Variants in MTHFD1L observed in about 807,000 individuals in gnomAD.
MTHFD1L encodes the protein monofunctional C1-tetrahydrofolate synthase, mitochondrial.
Under a neutral mutation model 119.5 loss-of-function variants are expected in MTHFD1L, and 81 were observed. That is an observed-to-expected ratio of 0.68 (90% CI 0.57 to 0.82). MTHFD1L has a LOEUF of 0.82. Among genes scored for constraint, MTHFD1L ranks in the 40% least tolerant of loss-of-function variants. The pLI is 0.00. For synonymous variants in MTHFD1L, 430 were observed against 475.2 expected (o/e 0.90, Z 1.24); for missense variants, 1,125 against 1,253.4 (o/e 0.90, Z 1.55).
intron 21 of MTHFD1L, among the ~76,000 whole-genome samples, chr6:151,010,305 CAT>C (rs2128482291): frequency 6.6e-6 from 1 of 152,244 alleles, no homozygotes; most frequent in East Asian, 1.9e-4. Flanking sequence ...ATTGTATAAC[CAT>C]ATGGTAATGG....
Position 150,866,010 on chromosome 6 carries a change from C to A in MTHFD1L, c.188C>A (p.Pro63His). 7.2e-7 allele frequency: 1 copy of A among 1,388,060 alleles called. No homozygotes were observed. The highest frequency in any genetic ancestry group is 9.3e-7 in the Non-Finnish European group (1 of 1,076,224). 86.0% of individuals were successfully genotyped at this position (1,388,060 alleles called of 1,614,324 possible). ...GGCCAGGCCCGGAGCAGCTGCAGCCCCGGCGGCCGAACGCCCGCGGCGCGG... is the reference window on the plus strand; with the variant it reads ...GGCCAGGCCCGGAGCAGCTGCAGCCACGGCGGCCGAACGCCCGCGGCGCGG... ...QDGQARSSCS[P>H]GGRTPAARDS... The change falls in exon 1 of 28, where the codon CCC becomes CAC. Residue 63 changes from proline to histidine, a missense_variant. Transcript: ENST00000367321.
In MTHFD1L at chr6:150,970,943, G is replaced by C. The variant is rs471629; in HGVS notation, c.2014-1004G>C. ...TCCGTGGCCCTGAAGAATTCCCTTA[G>C]CCTCTCTGGGCCTTAAATTTCTGGA... On this transcript the variant is annotated intron_variant, in intron 19 of 27. Transcript: ENST00000367321. Among the ~76,000 whole-genome samples, 1,306 of 152,200 alleles carry C rather than the reference G, an allele frequency of 8.6e-3. 10 individuals are homozygous for C. The highest frequency in any genetic ancestry group is 0.016 in the Non-Finnish European group (1,056 of 68,008).
chr6:150,984,967 T>G (rs923840618), intron 20 of MTHFD1L: 2 of 152,202 alleles, frequency 1.3e-5, no homozygotes, highest in Non-Finnish European at 2.9e-5. Context: ...CTCTTTGCCA[T>G]GTGCTGTCTG....
At chr6:151,001,692 C>T (rs567368741) in intron 20 of MTHFD1L, among the ~76,000 whole-genome samples, 1 of 152,190 alleles carries the variant, frequency 6.6e-6, no homozygotes, top group East Asian at 1.9e-4. Context: ...CGGATTGCAG[C>T]GCCAGTGTTC....
In MTHFD1L at chr6:150,885,659, C is replaced by T. The variant is rs762398953; in HGVS notation, c.568C>T (p.Leu190=). Residue 190 remains leucine, a synonymous_variant, in exon 6 of 28, where the codon CTG becomes TTG. Transcript: ENST00000367321. The stretch of plus-strand genomic sequence containing the variant: ...AGTAACAGACATAAACCTGGGGAAG[C>T]TGGTGCGAGGGGATGCCCATGAATG... The part of the protein sequence containing the change: ...DGVTDINLGK[L]VRGDAHECFV... The T allele has an allele frequency of 1.2e-6, 2 of 1,613,982 alleles. No homozygotes were observed. The highest frequency in any genetic ancestry group is 1.7e-5 in the Admixed American group (1 of 59,998).
At chr6:150,989,330 T>C (rs938720714) in intron 20 of MTHFD1L, among the ~76,000 whole-genome samples, 1 of 152,160 alleles carries the variant, frequency 6.6e-6, no homozygotes, top group African/African-American at 2.4e-5. Flanking sequence ...CATTAAATAG[T>C]GTAACCCTGA....
intron 9 of MTHFD1L, among the ~76,000 whole-genome samples, chr6:150,920,530 T>G (rs12189606): frequency 0.092 from 14,034 of 152,198 alleles, 922 homozygotes; most frequent in African/African-American, 0.18. Flanking sequence ...AATTTTATTT[T>G]TATTTATTTT....
chr6:151,088,623 AT>A (rs71014539), intron 26 of MTHFD1L, among the ~76,000 whole-genome samples: 2,423 of 128,592 alleles, frequency 0.019, 44 homozygotes, highest in African/African-American at 0.059. Context: ...CACCCAGCTA[AT>A]TTTTTTTTTT....
At chr6:150,956,874 A>T (rs1795719746) in intron 17 of MTHFD1L, among the ~76,000 whole-genome samples, 1 of 137,060 alleles carries the variant, frequency 7.3e-6, no homozygotes, top group Non-Finnish European at 1.6e-5. Flanking sequence ...AAGAAGAGAA[A>T]CTTAAGTTCG....
intron 19 of MTHFD1L, among the ~76,000 whole-genome samples, chr6:150,970,612 GC>G (rs1360179642): frequency 6.6e-6 from 1 of 152,136 alleles, no homozygotes; most frequent in Non-Finnish European, 1.5e-5. Context: ...GTTTGAAAGG[GC>G]CATTATGGAG....
At position 150,956,076 on chromosome 6, in the gene MTHFD1L, G is replaced by C; in HGVS notation, c.1803+5G>C. On this transcript the variant is annotated splice_donor_5th_base_variant and intron_variant, in intron 17 of 27. Coordinates refer to ENST00000367321, the MANE Select transcript of MTHFD1L (RefSeq NM_015440.5). ...GAGAAGGGCCATTACCGGCAGGTAG[G>C]TGGTGCTTTCTTCCCGGGTGTGGCT... 6.2e-7 allele frequency: 1 copy of C among 1,613,108 alleles called. No individual in the cohort carries two copies. Among genetic ancestry groups the C allele is most frequent in the South Asian group, 1.1e-5 (1 of 91,070 alleles).
At chr6:151,093,729 A>G (rs1794656484) in intron 27 of MTHFD1L, among the ~76,000 whole-genome samples, 1 of 148,558 alleles carries the variant, frequency 6.7e-6, no homozygotes, top group South Asian at 2.1e-4. Flanking sequence ...ACACAGTTCA[A>G]CCCAGAACAC....
At chr6:150,871,680 T>C (rs535020557) in intron 1 of MTHFD1L, among the ~76,000 whole-genome samples, 1 of 151,160 alleles carries the variant, frequency 6.6e-6, no homozygotes, top group Admixed American at 6.6e-5. Context: ...TTTTTTGTAT[T>C]TTTAGTAGAA....
At chr6:151,053,828 C>T (rs988447338) in intron 26 of MTHFD1L, among the ~76,000 whole-genome samples, 1 of 150,516 alleles carries the variant, frequency 6.6e-6, no homozygotes, top group Admixed American at 6.6e-5. Flanking sequence ...GCACTGTACT[C>T]CAGCCTGGGT....
chr6:151,047,315 G>A (rs964333814), intron 26 of MTHFD1L, among the ~76,000 whole-genome samples: 1 of 152,164 alleles, frequency 6.6e-6, no homozygotes, highest in African/African-American at 2.4e-5. Context: ...GAGAGAATTG[G>A]TTATCACACT....
At chr6:150,927,010 A>G (rs1583599617) in intron 11 of MTHFD1L, among the ~76,000 whole-genome samples, 1 of 152,234 alleles carries the variant, frequency 6.6e-6, no homozygotes, top group East Asian at 1.9e-4. Context: ...ATTTCATTTC[A>G]GTGACTATTG....
At chr6:150,947,200 C>A (rs896492356) in intron 15 of MTHFD1L, among the ~76,000 whole-genome samples, 1 of 151,076 alleles carries the variant, frequency 6.6e-6, no homozygotes, top group Non-Finnish European at 1.5e-5. Context: ...TAGGTTCAAG[C>A]AGTTCTGCCT....
At chr6:151,090,974 ATGCGACTGGGTGCAGCATCG>A in intron 26 of MTHFD1L, among the ~76,000 whole-genome samples, 2 of 137,696 alleles carry the variant, frequency 1.5e-5, no homozygotes, top group African/African-American at 5.4e-5. Context: ...GCATCGCCCC[ATGCGACTGGGTGCAGCATCG>A]TTCCATGCGA....
intron 26 of MTHFD1L, among the ~76,000 whole-genome samples, chr6:151,075,460 T>G (rs1035616812): frequency 1.3e-5 from 2 of 152,196 alleles, no homozygotes; most frequent in South Asian, 2.1e-4. Context: ...TTCTAAGTGT[T>G]TAAGCATATA....
Sources: gnomAD v4.1 joint callset for allele counts (sites outside exome capture counted in the v4.1 genomes callset) on GRCh38, gnomAD v4.1.1 for gene constraint, MANE v1.5 for transcripts, NCBI Gene and HGNC (gene_info 2026-07-23, HGNC 2026-07-21) for gene names.